The following NDUFAF7 variants were observed in gnomAD, a reference collection of about 807,000 sequenced individuals.
NDUFAF7 encodes protein arginine methyltransferase NDUFAF7, mitochondrial.
Under a neutral mutation model 47.2 loss-of-function variants are expected in NDUFAF7, and 48 were observed. The observed-to-expected ratio is 1.02, with a 90% CI of 0.81 to 1.29. The LOEUF (loss-of-function observed/expected upper bound fraction) is 1.29. Ranked by LOEUF, NDUFAF7 falls within the 50% of genes most tolerant of loss-of-function variation. The pLI, the probability that NDUFAF7 is intolerant of heterozygous loss-of-function variation, is 0.00. For missense variants in NDUFAF7, 635 were observed against 537.6 expected (o/e 1.18, Z -1.79); for synonymous variants, 217 against 190.0 (o/e 1.14, Z -1.17).
At chr2:37,249,621 T>C (rs1667307711), downstream of NDUFAF7, among the ~76,000 whole-genome samples, 1 of 113,304 alleles carries the variant, frequency 8.8e-6, no homozygotes, top group Admixed American at 1.0e-4. Flanking sequence ...GATCGCTCCG[T>C]TGCACTGTAG....
At chr2:37,253,928 ATAAAT>A (rs1667727282), downstream of NDUFAF7, among the ~76,000 whole-genome samples, 1 of 152,226 alleles carries the variant, frequency 6.6e-6, no homozygotes, top group Non-Finnish European at 1.5e-5. Context: ...AATAAATTTG[ATAAAT>A]TAATATGTCA....
the NDUFAF7 span, chr2:37,267,747 A>T: frequency 2.1e-6 from 1 of 481,416 alleles, no homozygotes; most frequent in Non-Finnish European, 3.6e-6. Context: ...AGTCAGCTGC[A>T]TTATCTAAAC....
At position 37,248,115 on chromosome 2, in the gene NDUFAF7, A is replaced by C; in HGVS notation, c.1111-20A>C. The C allele has an allele frequency of 6.3e-7, 1 of 1,583,546 alleles. No homozygotes were observed. Among genetic ancestry groups the C allele is most frequent in the Non-Finnish European group, 8.7e-7 (1 of 1,154,156 alleles). On this transcript the variant is annotated intron_variant, in intron 9 of 9. Coordinates refer to ENST00000002125, the MANE Select transcript of NDUFAF7 (RefSeq NM_144736.5). Reference sequence around the variant, plus strand: ...ATCCTGTCTTCTGGTTATTTTTGCTAAGAATTTTTTTCTTTTCAGGTTCTT... The same window carrying C: ...ATCCTGTCTTCTGGTTATTTTTGCTCAGAATTTTTTTCTTTTCAGGTTCTT...
At chr2:37,234,448 C>T (rs1184565351) in intron 2 of NDUFAF7, among the ~76,000 whole-genome samples, 2 of 152,032 alleles carry the variant, frequency 1.3e-5, no homozygotes, top group African/African-American at 4.8e-5. Context: ...TTTTTTAGAA[C>T]ATTTGATACA....
chr2:37,235,312 C>A (rs1273666202), intron 2 of NDUFAF7, among the ~76,000 whole-genome samples: 1 of 151,806 alleles, frequency 6.6e-6, no homozygotes, highest in Non-Finnish European at 1.5e-5. Context: ...TAGAAAAGTT[C>A]ATAAACCACA....
chr2:37,247,702 C>A (rs1461377302), intron 9 of NDUFAF7, 73 bp downstream of exon 9: 42 of 1,536,208 alleles, frequency 2.7e-5, no homozygotes, highest in Non-Finnish European at 3.8e-5. Flanking sequence ...ATAGTATGTT[C>A]ACCTGGCCTT....
At chr2:37,254,468 G>T (rs1409390577), downstream of NDUFAF7, among the ~76,000 whole-genome samples, 1 of 152,182 alleles carries the variant, frequency 6.6e-6, no homozygotes, top group Non-Finnish European at 1.5e-5. Context: ...TGATTTAAGT[G>T]TATCTGTCAA....
chr2:37,253,375 A>G, downstream of NDUFAF7: 2 of 1,575,378 alleles, frequency 1.3e-6, no homozygotes, highest in Admixed American at 3.6e-5. Context: ...AATTGTAATG[A>G]TGAAACAAAA....
rs1028509466 is a variant in NDUFAF7, at chr2:37,239,110, T to C, written c.408+1243T>C. ...AAACTATAATTTAGTACATCCTTTT[T>C]TCTTTCTCTTTTTTTTTTTTTTTTT... On this transcript the variant is annotated intron_variant, in intron 4 of 9. Transcript: ENST00000002125. Among the ~76,000 whole-genome samples the C allele has an allele frequency of 1.3e-4, 20 of 150,616 alleles. No individual in the cohort carries two copies. In the East Asian group the frequency reaches 3.9e-3, roughly 29 times the overall value.
chr2:37,232,447 G>C (rs1284885190), intron 2 of NDUFAF7, among the ~76,000 whole-genome samples, 181 bp downstream of exon 2: 2 of 152,212 alleles, frequency 1.3e-5, no homozygotes, highest in Non-Finnish European at 2.9e-5. Context: ...TCACGTCAGA[G>C]GCAGTGCCAG....
chr2:37,236,717 C>A (rs112280548), intron 3 of NDUFAF7, among the ~76,000 whole-genome samples: 21,590 of 150,268 alleles, frequency 0.14, 1,713 homozygotes, highest in South Asian at 0.26. Flanking sequence ...GGAGGCGGAG[C>A]TTGCAGTGAG....
Position 37,239,285 on chromosome 2 carries a change from A to AT in NDUFAF7, c.408+1425dup, listed in dbSNP as rs550943169. 4.6e-4 allele frequency among the ~76,000 whole-genome samples: 70 copies of AT among 151,982 alleles called. No individual in the cohort carries two copies. In the Middle Eastern group the frequency reaches 0.01, roughly 22 times the overall value. The stretch of plus-strand genomic sequence containing the variant: ...AGGCGTGGATCACTACACCCGGCTA[A>AT]TTTTTTTATTTTTAGTAGAGAAGGG... On this transcript the variant is annotated intron_variant, in intron 4 of 9. Transcript: ENST00000002125.
the NDUFAF7 span, chr2:37,268,866 T>G: frequency 7.8e-5 from 12 of 154,138 alleles, no homozygotes; most frequent in African/African-American, 2.9e-4. Flanking sequence ...TATGAATCTG[T>G]AGATGACTGT....
At chr2:37,247,777 C>A in intron 9 of NDUFAF7, 148 bp downstream of exon 9, 1 of 978,326 alleles carries the variant, frequency 1.0e-6, no homozygotes, top group South Asian at 1.5e-5. Flanking sequence ...GATTTAGTAA[C>A]TAGTCTGGTA....
intron 7 of NDUFAF7, among the ~76,000 whole-genome samples, chr2:37,244,427 T>G (rs374304554): frequency 1.3e-4 from 20 of 152,332 alleles, no homozygotes; most frequent in African/African-American, 4.8e-4. Context: ...TTATTATCCT[T>G]CTTTGGGCTA....
intron 3 of NDUFAF7, among the ~76,000 whole-genome samples, chr2:37,237,055 C>G (rs1287421263): frequency 6.6e-6 from 1 of 152,146 alleles, no homozygotes; most frequent in Non-Finnish European, 1.5e-5. Flanking sequence ...ACTGTAACCT[C>G]TGCTTCCCGG....
At chr2:37,238,129 G>A (rs1665981862) in intron 4 of NDUFAF7, among the ~76,000 whole-genome samples, 1 of 152,114 alleles carries the variant, frequency 6.6e-6, no homozygotes, top group African/African-American at 2.4e-5. Flanking sequence ...TCCTCAGGAA[G>A]GAAAGTTGTT....
chr2:37,253,445 C>A, downstream of NDUFAF7: 1 of 1,050,156 alleles, frequency 9.5e-7, no homozygotes. Context: ...TTGTTTAGTG[C>A]CCTAGTCAAA....
chr2:37,247,272 G>C (rs1667030008), intron 8 of NDUFAF7, 184 bp from the exon 9 acceptor site: 7 of 670,608 alleles, frequency 1.0e-5, no homozygotes, highest in Admixed American at 5.4e-5. Flanking sequence ...AGGTGATTCT[G>C]ATGCATGGTT....
Sources: gnomAD v4.1 joint callset for allele counts (sites outside exome capture counted in the v4.1 genomes callset) on GRCh38, gnomAD v4.1.1 for gene constraint, MANE v1.5 for transcripts, NCBI Gene and HGNC (gene_info 2026-07-23, HGNC 2026-07-21) for gene names.